The following RNF125 variants were observed in gnomAD, a reference collection of about 807,000 sequenced individuals.
The protein encoded by RNF125 is ring finger protein 125.
A neutral mutation model predicts 26.0 loss-of-function variants in RNF125; 21 were observed. The observed-to-expected ratio is 0.81, with a 90% CI of 0.57 to 1.16. The LOEUF (loss-of-function observed/expected upper bound fraction) is 1.16. Among genes scored for constraint, RNF125 ranks in the 50% most tolerant of loss-of-function variants. The probability of loss-of-function intolerance (pLI) is 0.00; values close to 1 mark genes in which losing one functional copy is unlikely to be tolerated. For synonymous variants in RNF125, 95 were observed against 109.2 expected (o/e 0.87, Z 0.81); for missense variants, 270 against 299.4 (o/e 0.90, Z 0.72).
intron 1 of RNF125, among the ~76,000 whole-genome samples, chr18:32,026,700 T>C (rs528743671): frequency 2.6e-5 from 4 of 152,230 alleles, no homozygotes; most frequent in East Asian, 3.9e-4. Flanking sequence ...TCTGGCCCCG[T>C]AGAGGAAGCA....
At chr18:32,019,258 G>C (rs373148461) in intron 1 of RNF125, among the ~76,000 whole-genome samples, 2 of 152,146 alleles carry the variant, frequency 1.3e-5, no homozygotes, top group African/African-American at 2.4e-5. Flanking sequence ...GCCCCCTTGC[G>C]CTTTCAGCTC....
At chr18:32,050,243 AT>A (rs2039310550) in intron 4 of RNF125, among the ~76,000 whole-genome samples, 1 of 152,124 alleles carries the variant, frequency 6.6e-6, no homozygotes, top group South Asian at 2.1e-4. Flanking sequence ...ACATCAGGGG[AT>A]TTTGACTTTT....
At chr18:32,073,452 A>G (rs1022435825), downstream of RNF125, among the ~76,000 whole-genome samples, 1 of 152,178 alleles carries the variant, frequency 6.6e-6, no homozygotes, top group Non-Finnish European at 1.5e-5. Context: ...TCAGCATTCT[A>G]CAGTGCACAA....
intron 1 of RNF125, among the ~76,000 whole-genome samples, chr18:32,021,149 T>C (rs967790480): frequency 7.9e-5 from 12 of 152,108 alleles, no homozygotes; most frequent in African/African-American, 2.4e-4. Context: ...GGCACGATCT[T>C]GGCTCACTGC....
chr18:32,088,705 G>T, the RNF125 span, among the ~76,000 whole-genome samples: 1 of 152,072 alleles, frequency 6.6e-6, no homozygotes, highest in Non-Finnish European at 1.5e-5. Context: ...TCGCCATGTT[G>T]TCCAGGCTGG....
the RNF125 span, among the ~76,000 whole-genome samples, chr18:32,080,840 C>G: frequency 6.6e-6 from 1 of 151,584 alleles, no homozygotes. Context: ...GGCGCCACTG[C>G]ACTCTAGCCT....
At chr18:32,074,004 G>C (rs1370891536), downstream of RNF125, among the ~76,000 whole-genome samples, 1 of 152,158 alleles carries the variant, frequency 6.6e-6, no homozygotes, top group Admixed American at 6.5e-5. Context: ...GCTAATCATT[G>C]CCACCAAAAT....
intron 4 of RNF125, among the ~76,000 whole-genome samples, chr18:32,053,946 G>C (rs2144498157): frequency 6.6e-6 from 1 of 152,186 alleles, no homozygotes; most frequent in South Asian, 2.1e-4. Context: ...CCATGAAGCA[G>C]TATCAACTCC....
At chr18:32,080,657 C>T in the RNF125 span, among the ~76,000 whole-genome samples, 2 of 152,016 alleles carry the variant, frequency 1.3e-5, no homozygotes, top group African/African-American at 4.8e-5. Flanking sequence ...AGATCTGTTG[C>T]GTAACAAGGT....
chr18:32,048,301 C>T (rs542773654), intron 4 of RNF125, among the ~76,000 whole-genome samples: 4 of 151,474 alleles, frequency 2.6e-5, no homozygotes, highest in South Asian at 4.2e-4. Context: ...TGGGGGGCAC[C>T]TGTAATCCCA....
intron 3 of RNF125, 110 bp downstream of exon 3, chr18:32,042,383 A>T: frequency 1.4e-6 from 1 of 715,572 alleles, no homozygotes; most frequent in Admixed American, 3.0e-5. Context: ...ATTTATGTTT[A>T]TGTTCTTAAC....
chr18:32,054,599 A>C (rs546865764), intron 4 of RNF125, among the ~76,000 whole-genome samples: 16 of 152,380 alleles, frequency 1.1e-4, no homozygotes, highest in African/African-American at 3.8e-4. Flanking sequence ...TCATTGAAAA[A>C]GAATTCTCAT....
intron 1 of RNF125, chr18:32,031,010 T>C (rs1222314319): frequency 1.3e-5 from 2 of 152,188 alleles, no homozygotes; most frequent in African/African-American, 4.8e-5. Flanking sequence ...ACTCCTGTGA[T>C]AACGGCATTC....
intron 4 of RNF125, among the ~76,000 whole-genome samples, chr18:32,052,019 G>T (rs1256080737): frequency 1.3e-5 from 2 of 152,034 alleles, no homozygotes; most frequent in Non-Finnish European, 1.5e-5. Context: ...TACCCTGGGG[G>T]CTCATTCCTT....
chr18:32,026,451 G>A (rs192923825), intron 1 of RNF125, among the ~76,000 whole-genome samples: 58 of 152,042 alleles, frequency 3.8e-4, no homozygotes, highest in African/African-American at 1.2e-3. Context: ...GTTTCACCAT[G>A]TTGCTCTCAA....
At chr18:32,055,129 T>C (rs976172085) in intron 4 of RNF125, among the ~76,000 whole-genome samples, 19 of 151,680 alleles carry the variant, frequency 1.3e-4, no homozygotes, top group African/African-American at 4.4e-4. Flanking sequence ...AGACCCTGTC[T>C]CTACAACAAC....
chr18:32,081,258 AAAAC>A, the RNF125 span, among the ~76,000 whole-genome samples: 2 of 152,174 alleles, frequency 1.3e-5, no homozygotes, highest in African/African-American at 4.8e-5. Flanking sequence ...CACAAAGAAA[AAAAC>A]AACAAACAAA....
rs964069860 is a variant in RNF125, at chr18:32,072,752, CT to C, written c.*4373del. 2.6e-5 allele frequency: 4 copies of C among 152,150 alleles called. No individual in the cohort carries two copies. Among genetic ancestry groups the C allele is most frequent in the African/African-American group, 9.7e-5 (4 of 41,446 alleles). The allele number at this position is 152,150 out of a possible 1,614,324, so 9.4% of individuals were successfully genotyped here. The stretch of plus-strand genomic sequence containing the variant: ...CTCTTTATAGTGCTTCAGGATACAA[CT>C]TTTTCAGGGCCTTATTAGAGAAAAA... On this transcript the variant is annotated 3_prime_UTR_variant, in exon 6 of 6. Coordinates refer to ENST00000217740, the MANE Select transcript of RNF125 (RefSeq NM_017831.4).
At chr18:32,059,697 CAATG>C (rs2039417481) in intron 4 of RNF125, among the ~76,000 whole-genome samples, 1 of 152,140 alleles carries the variant, frequency 6.6e-6, no homozygotes. Context: ...TTGCCCAGAT[CAATG>C]TCCTGGAGAG....
Sources: allele counts gnomAD v4.1 joint callset (sites outside exome capture counted in the v4.1 genomes callset), GRCh38; gene constraint gnomAD v4.1.1; transcripts MANE v1.5; gene names NCBI Gene and HGNC (gene_info 2026-07-23, HGNC 2026-07-21).